Variants in KCND3 observed in about 807,000 individuals in gnomAD.
KCND3 encodes A-type voltage-gated potassium channel KCND3.
Under a neutral mutation model 51.1 loss-of-function variants are expected in KCND3, and 9 were observed. The observed-to-expected ratio is 0.18, with a 90% confidence interval of 0.11 to 0.31. KCND3 has a LOEUF of 0.31. Among genes scored for constraint, KCND3 ranks in the 10% least tolerant of loss-of-function variants. The pLI, the probability that KCND3 is intolerant of heterozygous loss-of-function variation, is 1.00. For synonymous variants in KCND3, 349 were observed against 368.0 expected (o/e 0.95, Z 0.59); for missense variants, 526 against 903.8 (o/e 0.58, Z 5.36).
chr1:111,845,666 G>A (rs935542129), intron 2 of KCND3, among the ~76,000 whole-genome samples: 7 of 152,090 alleles, frequency 4.6e-5, no homozygotes, highest in African/African-American at 1.7e-4. Context: ...TAACTCTATG[G>A]AATACTCACA....
At chr1:111,844,390 AAAG>A (rs1333348458) in intron 2 of KCND3, among the ~76,000 whole-genome samples, 1 of 152,160 alleles carries the variant, frequency 6.6e-6, no homozygotes, top group Non-Finnish European at 1.5e-5. Context: ...ATGGATATAC[AAAG>A]AAGGTACACA....
intron 2 of KCND3, among the ~76,000 whole-genome samples, chr1:111,896,802 C>A (rs1670134190): frequency 6.6e-6 from 1 of 152,222 alleles, no homozygotes; most frequent in African/African-American, 2.4e-5. Context: ...CAAATACTGG[C>A]TCCTTCACTT....
intron 2 of KCND3, among the ~76,000 whole-genome samples, chr1:111,928,319 C>T (rs1366418376): frequency 6.6e-6 from 1 of 152,266 alleles, no homozygotes. Context: ...ACCTACTCCC[C>T]GGGAAGCTCA....
chr1:111,790,557 T>C (rs999821962), intron 2 of KCND3, among the ~76,000 whole-genome samples: 3 of 152,204 alleles, frequency 2.0e-5, no homozygotes, highest in Non-Finnish European at 4.4e-5. Flanking sequence ...GATTTATTTT[T>C]TAAAAGCTTT....
intron 1 of KCND3, among the ~76,000 whole-genome samples, chr1:111,987,805 G>T (rs532853842): frequency 1.3e-5 from 2 of 152,270 alleles, no homozygotes; most frequent in Admixed American, 1.3e-4. Flanking sequence ...AAAATCTGAA[G>T]CTATTTTTGT....
intron 2 of KCND3, among the ~76,000 whole-genome samples, chr1:111,868,620 A>G (rs1668691763): frequency 6.6e-6 from 1 of 152,204 alleles, no homozygotes; most frequent in Non-Finnish European, 1.5e-5. Context: ...TTAAGCATTT[A>G]CTATATGCCA....
At chr1:111,881,817 G>C (rs1203462368) in intron 2 of KCND3, among the ~76,000 whole-genome samples, 3 of 152,146 alleles carry the variant, frequency 2.0e-5, no homozygotes, top group African/African-American at 7.2e-5. Context: ...GTACATTTCA[G>C]TGATACCCAT....
intron 2 of KCND3, among the ~76,000 whole-genome samples, chr1:111,959,185 G>C (rs1673501688): frequency 6.6e-6 from 1 of 152,188 alleles, no homozygotes; most frequent in Non-Finnish European, 1.5e-5. Context: ...AAGGGATTCG[G>C]TCGGTGGTGG....
chr1:111,942,859 G>C lies in KCND3; in HGVS notation c.1106+38762C>G, dbSNP rs72981249. Among the ~76,000 whole-genome samples the C allele has an allele frequency of 7.6e-3, 1,164 of 152,306 alleles. 14 individuals carry two copies. The highest frequency in any genetic ancestry group is 0.026 in the African/African-American group (1,100 of 41,556). On this transcript the variant is annotated intron_variant, in intron 2 of 7. Transcript: ENST00000302127. The stretch of plus-strand genomic sequence containing the variant: ...GCTCCATTTAAATGGCTTTCTCAAG[G>C]TCAGCTAGGAAGTGCAGAACTTGGA...
chr1:111,956,428 G>C (rs1673346804), intron 2 of KCND3, among the ~76,000 whole-genome samples: 1 of 152,176 alleles, frequency 6.6e-6, no homozygotes, highest in Non-Finnish European at 1.5e-5. Context: ...GGCAAGCATG[G>C]TATTAAATAG....
intron 2 of KCND3, among the ~76,000 whole-genome samples, chr1:111,930,540 T>C (rs140385689): frequency 3.3e-5 from 5 of 152,244 alleles, no homozygotes; most frequent in African/African-American, 4.8e-5. Flanking sequence ...GGGCTTCTGG[T>C]TCCTGTCCAC....
At chr1:111,825,192 G>C (rs954077488) in intron 2 of KCND3, among the ~76,000 whole-genome samples, 1 of 152,106 alleles carries the variant, frequency 6.6e-6, no homozygotes, top group African/African-American at 2.4e-5. Context: ...AGTGATCCAG[G>C]GTCCACACTT....
At chr1:111,959,719 C>A (rs1293558332) in intron 2 of KCND3, among the ~76,000 whole-genome samples, 4 of 152,222 alleles carry the variant, frequency 2.6e-5, no homozygotes, top group Non-Finnish European at 4.4e-5. Context: ...CTGTGACACA[C>A]TGTAGGTACA....
chr1:111,834,700 G>T (rs568749804), intron 2 of KCND3, among the ~76,000 whole-genome samples: 2 of 152,306 alleles, frequency 1.3e-5, no homozygotes, highest in Middle Eastern at 3.4e-3. Context: ...TCAGAATTAA[G>T]CCCAAATCTT....
At chr1:111,934,936 T>C (rs547977229) in intron 2 of KCND3, among the ~76,000 whole-genome samples, 11 of 152,380 alleles carry the variant, frequency 7.2e-5, no homozygotes, top group African/African-American at 1.9e-4. Context: ...GCCTGGCATG[T>C]GGTTGGCACT....
chr1:111,975,151 G>A (rs1352564150), intron 2 of KCND3, among the ~76,000 whole-genome samples: 1 of 152,102 alleles, frequency 6.6e-6, no homozygotes, highest in Non-Finnish European at 1.5e-5. Flanking sequence ...AATGTTGCCC[G>A]GGTTGAAAGG....
chr1:111,890,174 G>T (rs1329121603), intron 2 of KCND3, among the ~76,000 whole-genome samples: 2 of 152,162 alleles, frequency 1.3e-5, no homozygotes, highest in Non-Finnish European at 2.9e-5. Context: ...GTTTGCAAAG[G>T]GTCATGTTGG....
At chr1:111,972,259 G>A (rs1674376311) in intron 2 of KCND3, among the ~76,000 whole-genome samples, 3 of 134,894 alleles carry the variant, frequency 2.2e-5, no homozygotes, top group African/African-American at 2.8e-5. Context: ...TGCAAGCTCC[G>A]CCTCCCGGGT....
At chr1:111,911,080 C>A (rs999205094) in intron 2 of KCND3, 4 of 152,188 alleles carry the variant, frequency 2.6e-5, no homozygotes, top group South Asian at 4.1e-4. Context: ...TGGTCTATGC[C>A]AGATGACCTT....
Sources: gnomAD v4.1 joint callset for allele counts (sites outside exome capture counted in the v4.1 genomes callset) on GRCh38, gnomAD v4.1.1 for gene constraint, MANE v1.5 for transcripts, NCBI Gene and HGNC (gene_info 2026-07-23, HGNC 2026-07-21) for gene names.